The following MTSS1 variants were observed in gnomAD, a reference collection of about 807,000 sequenced individuals.
MTSS1 encodes the protein MTSS I-BAR domain containing 1.
A neutral mutation model predicts 79.0 loss-of-function variants in MTSS1; 18 were observed. The observed-to-expected ratio is 0.23, with a 90% CI of 0.16 to 0.34. The LOEUF is 0.34. Ranked by LOEUF, MTSS1 falls within the 10% of genes least tolerant of loss-of-function variation. The pLI is 1.00. For missense variants in MTSS1, 815 were observed against 986.2 expected (o/e 0.83, Z 2.33); for synonymous variants, 341 against 368.6 (o/e 0.93, Z 0.86).
At chr8:124,647,877 A>G (rs1376291375) in intron 3 of MTSS1, among the ~76,000 whole-genome samples, 13 of 152,218 alleles carry the variant, frequency 8.5e-5, no homozygotes, top group Admixed American at 8.5e-4. Flanking sequence ...GGAGCCACCT[A>G]CAGGTCCCCA....
chr8:124,637,687 G>C (rs1449384527), intron 3 of MTSS1, among the ~76,000 whole-genome samples: 1 of 152,226 alleles, frequency 6.6e-6, no homozygotes, highest in Non-Finnish European at 1.5e-5. Context: ...GAATTTATGT[G>C]TCACATTTGG....
chr8:124,672,984 C>T (rs1824568418), intron 3 of MTSS1, among the ~76,000 whole-genome samples: 1 of 151,992 alleles, frequency 6.6e-6, no homozygotes, highest in South Asian at 2.1e-4. Context: ...GGAAAGAGAG[C>T]CAAGCCCCAG....
rs550737562 is a variant in MTSS1 at position 124,617,524 on chromosome 8, C to T, written c.209-26289G>A. Among the ~76,000 whole-genome samples the T allele has an allele frequency of 5.9e-5, 9 of 152,246 alleles. No individual in the cohort carries two copies. The South Asian group carries it at 1.9e-3, about 32-fold the overall frequency. Reference sequence around the variant, plus strand: ...TCTTGCACTTCAAAGAGAGATCTCACCTAAACCAGAGATTTTCAAGAGAAT... The same window carrying T: ...TCTTGCACTTCAAAGAGAGATCTCATCTAAACCAGAGATTTTCAAGAGAAT... On this transcript the variant is annotated intron_variant, in intron 3 of 13. Transcript: ENST00000518547.
intron 5 of MTSS1, among the ~76,000 whole-genome samples, chr8:124,585,455 C>T (rs2132538216): frequency 6.6e-6 from 1 of 152,000 alleles, no homozygotes; most frequent in South Asian, 2.1e-4. Flanking sequence ...TGTTCTGTGG[C>T]CCAGGCTGGA....
At chr8:124,700,365 G>A (rs1431336389) in intron 2 of MTSS1, among the ~76,000 whole-genome samples, 1 of 152,120 alleles carries the variant, frequency 6.6e-6, no homozygotes, top group Non-Finnish European at 1.5e-5. Flanking sequence ...AGGAATAGGA[G>A]AACTGAGGCC....
At chr8:124,704,260 C>T in intron 1 of MTSS1, 69 bp from the exon 2 acceptor site, 1 of 1,336,036 alleles carries the variant, frequency 7.5e-7, no homozygotes, top group African/African-American at 1.4e-5. Context: ...TAACAGAGCA[C>T]CCAATTCCAA....
intron 3 of MTSS1, among the ~76,000 whole-genome samples, chr8:124,661,756 C>T (rs1290959903): frequency 3.9e-5 from 6 of 152,214 alleles, no homozygotes; most frequent in Admixed American, 3.9e-4. Context: ...ATAAAGGATT[C>T]CCCTCTTTCC....
At chr8:124,559,407 T>C (rs1824782033) in intron 10 of MTSS1, among the ~76,000 whole-genome samples, 1 of 152,214 alleles carries the variant, frequency 6.6e-6, no homozygotes, top group South Asian at 2.1e-4. Flanking sequence ...CTATGAAGCC[T>C]CATCAAGACA....
At chr8:124,555,982 C>T (rs766920941) in intron 12 of MTSS1, 78 bp from the exon 13 acceptor site, 2 of 1,570,486 alleles carry the variant, frequency 1.3e-6, no homozygotes, top group Non-Finnish European at 1.7e-6. Flanking sequence ...CCCCCGTGAG[C>T]ACTACATGTC....
intron 3 of MTSS1, among the ~76,000 whole-genome samples, chr8:124,672,233 C>T (rs770476667): frequency 3.9e-5 from 6 of 152,214 alleles, no homozygotes; most frequent in Non-Finnish European, 5.9e-5. Flanking sequence ...GTGGCTCATG[C>T]CTGTAATCCC....
At chr8:124,612,632 G>GTGTGTGTGTGTT (rs1836071857) in intron 3 of MTSS1, among the ~76,000 whole-genome samples, 2 of 86,970 alleles carry the variant, frequency 2.3e-5, no homozygotes, top group Non-Finnish European at 4.8e-5. Context: ...GTGTGTGTGT[G>GTGTGTGTGTGTT]TACGAGAGAG....
At chr8:124,651,278 A>G (rs16899921) in intron 3 of MTSS1, among the ~76,000 whole-genome samples, 16,258 of 152,290 alleles carry the variant, frequency 0.11, 1,073 homozygotes, top group African/African-American at 0.18. Flanking sequence ...CTGATAACAT[A>G]CCACAAAGTA....
chr8:124,567,612 G>A (rs1421774351), intron 7 of MTSS1: 5 of 1,393,448 alleles, frequency 3.6e-6, no homozygotes, highest in African/African-American at 2.9e-5. Flanking sequence ...TTCAACAGAA[G>A]CTAACTTTTC....
At chr8:124,620,293 A>G (rs1259441039) in intron 3 of MTSS1, among the ~76,000 whole-genome samples, 1 of 152,188 alleles carries the variant, frequency 6.6e-6, no homozygotes, top group Non-Finnish European at 1.5e-5. Context: ...CCTGTTCATC[A>G]TCTTCAACAG....
intron 3 of MTSS1, among the ~76,000 whole-genome samples, chr8:124,605,588 T>TCGCTGCCTCCCTCCCTGCCCTCG (rs1244351790): frequency 3.0e-3 from 348 of 114,458 alleles, no homozygotes; most frequent in African/African-American, 8.0e-3. Flanking sequence ...CCCTGCCCTC[T>TCGCTGCCTCCCTCCCTGCCCTCG]CGCTGCCTCC....
chr8:124,717,353 G>A (rs1053930108), intron 1 of MTSS1, among the ~76,000 whole-genome samples: 34 of 151,790 alleles, frequency 2.2e-4, no homozygotes, highest in Non-Finnish European at 3.2e-4. Flanking sequence ...AAAAAAAGCC[G>A]GGTGTGGTGG....
chr8:124,577,370 A>C (rs1018220866), intron 6 of MTSS1, among the ~76,000 whole-genome samples: 2 of 152,122 alleles, frequency 1.3e-5, no homozygotes, highest in African/African-American at 2.4e-5. Flanking sequence ...CTGCCTCAGC[A>C]TCCCAAGTCG....
intron 3 of MTSS1, among the ~76,000 whole-genome samples, chr8:124,595,476 C>T (rs975113859): frequency 1.6e-4 from 25 of 152,136 alleles, no homozygotes; most frequent in African/African-American, 5.6e-4. Context: ...CTCCTTGGCT[C>T]GTGGCCCCTT....
chr8:124,641,399 CTT>C (rs1818026070), intron 3 of MTSS1, among the ~76,000 whole-genome samples: 1 of 152,248 alleles, frequency 6.6e-6, no homozygotes, highest in African/African-American at 2.4e-5. Context: ...AACCACAAGT[CTT>C]TTCTAGTCCC....
Sources: allele counts gnomAD v4.1 joint callset (sites outside exome capture counted in the v4.1 genomes callset), GRCh38; gene constraint gnomAD v4.1.1; transcripts MANE v1.5; gene names NCBI Gene and HGNC (gene_info 2026-07-23, HGNC 2026-07-21).